RAP1GDS1: variants seen among roughly 807,000 people sequenced by gnomAD.
RAP1GDS1 encodes Rap1 GTPase-GDP dissociation stimulator 1.
A neutral mutation model predicts 71.1 loss-of-function variants in RAP1GDS1; 35 were observed. The ratio of observed to expected loss-of-function variants is 0.49; its 90% CI spans 0.38 to 0.65. RAP1GDS1 has a LOEUF of 0.65. Among genes scored for constraint, RAP1GDS1 ranks in the 30% least tolerant of loss-of-function variants. The pLI, the probability that RAP1GDS1 is intolerant of heterozygous loss-of-function variation, is 0.00. For missense variants in RAP1GDS1, 663 were observed against 706.1 expected, an observed-to-expected ratio of 0.94 and a Z score of 0.69; for synonymous variants, 229 against 243.1, an observed-to-expected ratio of 0.94 and a Z score of 0.54.
chr4:98,293,733 G>A (rs1371105736), intron 2 of RAP1GDS1, among the ~76,000 whole-genome samples: 1 of 152,066 alleles, frequency 6.6e-6, no homozygotes, highest in African/African-American at 2.4e-5. Context: ...GGCAAAGAAA[G>A]GAGGAATTGA....
At chr4:98,417,252 T>G in intron 8 of RAP1GDS1, 115 bp from the exon 9 acceptor site, 1 of 1,017,750 alleles carries the variant, frequency 9.8e-7, no homozygotes, top group South Asian at 1.7e-5. Context: ...TTTCCCATTA[T>G]GAATGTAACA....
intron 4 of RAP1GDS1, among the ~76,000 whole-genome samples, chr4:98,367,372 G>T (rs935460421): frequency 6.1e-4 from 93 of 152,336 alleles, no homozygotes; most frequent in African/African-American, 2.1e-3. Flanking sequence ...TGCTTCAGGG[G>T]TGGGACCCTC....
chr4:98,373,521 G>A (rs750533124), intron 4 of RAP1GDS1, among the ~76,000 whole-genome samples: 1 of 151,772 alleles, frequency 6.6e-6, no homozygotes, highest in Non-Finnish European at 1.5e-5. Context: ...TAGCATGATG[G>A]CTTTCATTTT....
At chr4:98,280,402 G>A (rs922956720) in intron 1 of RAP1GDS1, among the ~76,000 whole-genome samples, 1 of 152,170 alleles carries the variant, frequency 6.6e-6, no homozygotes, top group African/African-American at 2.4e-5. Context: ...CTGCATAAAT[G>A]TCTTCTTTTG....
intron 5 of RAP1GDS1, among the ~76,000 whole-genome samples, chr4:98,389,707 C>T (rs1743318088): frequency 6.6e-6 from 1 of 152,132 alleles, no homozygotes; most frequent in Admixed American, 6.5e-5. Context: ...TTGTATTAAG[C>T]GCTATAACAT....
At chr4:98,309,738 G>C (rs1428839611) in intron 2 of RAP1GDS1, among the ~76,000 whole-genome samples, 1 of 151,868 alleles carries the variant, frequency 6.6e-6, no homozygotes, top group Non-Finnish European at 1.5e-5. Flanking sequence ...CTATACAAGA[G>C]TATCTTGAAA....
chr4:98,439,261 T>A (rs992135713), intron 14 of RAP1GDS1, among the ~76,000 whole-genome samples: 1 of 152,208 alleles, frequency 6.6e-6, no homozygotes, highest in Admixed American at 6.5e-5. Context: ...TTTTCTAGCC[T>A]CCCTGGTTTC....
chr4:98,441,810 AT>A (rs1458577524), intron 14 of RAP1GDS1, 179 bp from the exon 15 acceptor site: 8 of 562,088 alleles, frequency 1.4e-5, no homozygotes, highest in African/African-American at 2.0e-5. Flanking sequence ...AGTTTTTATG[AT>A]TTTTTTAAAT....
chr4:98,352,122 C>A (rs1457822415), intron 3 of RAP1GDS1, among the ~76,000 whole-genome samples: 1 of 151,836 alleles, frequency 6.6e-6, no homozygotes, highest in Non-Finnish European at 1.5e-5. Context: ...TATAGAAATA[C>A]ATCGCCATTG....
At chr4:98,415,073 C>A (rs918253495) in intron 7 of RAP1GDS1, among the ~76,000 whole-genome samples, 1 of 151,942 alleles carries the variant, frequency 6.6e-6, no homozygotes. Flanking sequence ...TTTTGTATTC[C>A]CCAGGGTATT....
At chr4:98,296,408 A>T (rs1260053332) in intron 2 of RAP1GDS1, among the ~76,000 whole-genome samples, 1 of 152,082 alleles carries the variant, frequency 6.6e-6, no homozygotes, top group African/African-American at 2.4e-5. Flanking sequence ...TACCATTGGC[A>T]GTATTTCTCT....
chr4:98,327,734 A>T (rs1733356225), intron 2 of RAP1GDS1, among the ~76,000 whole-genome samples: 1 of 152,124 alleles, frequency 6.6e-6, no homozygotes, highest in Admixed American at 6.5e-5. Flanking sequence ...CACATTGGAG[A>T]GGGTGATTGG....
intron 4 of RAP1GDS1, among the ~76,000 whole-genome samples, chr4:98,361,169 A>T (rs569069907): frequency 6.6e-6 from 1 of 151,774 alleles, no homozygotes; most frequent in Non-Finnish European, 1.5e-5. Flanking sequence ...ATCAGTTCAG[A>T]TTAAATTCTA....
chr4:98,323,067 C>T (rs1732240453), intron 2 of RAP1GDS1, among the ~76,000 whole-genome samples: 1 of 151,704 alleles, frequency 6.6e-6, no homozygotes, highest in Admixed American at 6.6e-5. Context: ...CAAGTAGACA[C>T]AATAAAAAAT....
At chr4:98,289,554 C>CAAAAAAAAAAAAA (rs6148589) in intron 1 of RAP1GDS1, among the ~76,000 whole-genome samples, 18 of 101,980 alleles carry the variant, frequency 1.8e-4, no homozygotes, top group East Asian at 6.1e-4. Context: ...CTCTGGTAAA[C>CAAAAAAAAAAAAA]AAAAAAAAAA....
At chr4:98,425,686 A>AAT (rs1181597073) in intron 12 of RAP1GDS1, among the ~76,000 whole-genome samples, 1 of 152,192 alleles carries the variant, frequency 6.6e-6, no homozygotes, top group Non-Finnish European at 1.5e-5. Flanking sequence ...CACAATCCTG[A>AAT]ATATATATGC....
chr4:98,357,148 A>T (rs951314014), intron 4 of RAP1GDS1, among the ~76,000 whole-genome samples: 43 of 152,044 alleles, frequency 2.8e-4, no homozygotes, highest in Non-Finnish European at 4.7e-4. Context: ...GTTATATTCA[A>T]AAGGGAACTA....
At chr4:98,372,323 C>T (rs1239110012) in intron 4 of RAP1GDS1, among the ~76,000 whole-genome samples, 1 of 152,068 alleles carries the variant, frequency 6.6e-6, no homozygotes, top group Non-Finnish European at 1.5e-5. Context: ...CCACCATGCC[C>T]AGCTAATTTT....
At chr4:98,362,340 G>A (rs1405385485) in intron 4 of RAP1GDS1, among the ~76,000 whole-genome samples, 3 of 152,126 alleles carry the variant, frequency 2.0e-5, no homozygotes, top group Admixed American at 2.0e-4. Context: ...AGCTGTGCAT[G>A]ATGGAGCACT....
Sources: allele counts gnomAD v4.1 joint callset (sites outside exome capture counted in the v4.1 genomes callset), GRCh38; gene constraint gnomAD v4.1.1; transcripts MANE v1.5; gene names NCBI Gene and HGNC (gene_info 2026-07-23, HGNC 2026-07-21).